The following SLC35F2 variants were observed in gnomAD, a reference collection of about 807,000 sequenced individuals.
SLC35F2 encodes solute carrier family 35 member F2, also known as queuine/queuosine transporter SLC35F2.
In SLC35F2, 25 loss-of-function variants were observed where a neutral mutation model predicts 38.1. That is an observed-to-expected ratio of 0.66 (90% CI 0.48 to 0.92). The LOEUF is 0.92. Among genes scored for constraint, SLC35F2 ranks in the 40% least tolerant of loss-of-function variants. The probability of loss-of-function intolerance (pLI) is 0.00; values close to 1 mark genes in which losing one functional copy is unlikely to be tolerated. For missense variants in SLC35F2, 409 were observed against 452.9 expected, an observed-to-expected ratio of 0.90 and a Z score of 0.88; for synonymous variants, 173 against 181.7, an observed-to-expected ratio of 0.95 and a Z score of 0.38.
At chr11:107,815,506 C>T (rs1412092509) in intron 2 of SLC35F2, among the ~76,000 whole-genome samples, 4 of 151,320 alleles carry the variant, frequency 2.6e-5, no homozygotes, top group Non-Finnish European at 4.4e-5. Context: ...TGCAGTGAGT[C>T]GAGATTGCAC....
chr11:107,795,761 A>G (rs896645822), intron 7 of SLC35F2, among the ~76,000 whole-genome samples: 1 of 152,240 alleles, frequency 6.6e-6, no homozygotes, highest in Non-Finnish European at 1.5e-5. Flanking sequence ...CAAAGCCACA[A>G]TAAGATATCA....
intron 7 of SLC35F2, among the ~76,000 whole-genome samples, chr11:107,798,507 G>C (rs1192095017): frequency 6.6e-6 from 1 of 152,184 alleles, no homozygotes; most frequent in African/African-American, 2.4e-5. Context: ...GACTAATAAA[G>C]AGATTAAGTC....
At position 107,842,257 on chromosome 11, in the gene SLC35F2, C is replaced by CAAAAAAAAAAAAAAA. The variant is rs541185009; in HGVS notation, c.110+16386_110+16400dup. ...GGCGACAGAGTGAGACTCCGTCTCA[C>CAAAAAAAAAAAAAAA]AAAAAAAAAAAAAAAAAAAAAAAAA... On this transcript the variant is annotated intron_variant, in intron 1 of 7. Transcript: ENST00000525815. Among the ~76,000 whole-genome samples the CAAAAAAAAAAAAAAA allele has an allele frequency of 9.8e-4, 37 of 37,904 alleles. 7 individuals carry two copies. The highest frequency in any genetic ancestry group is 3.8e-3 in the South Asian group (2 of 520). 24.9% of individuals were successfully genotyped at this position (37,904 alleles called of 152,430 possible).
At chr11:107,818,947 C>G (rs949063533) in intron 1 of SLC35F2, among the ~76,000 whole-genome samples, 19 of 152,100 alleles carry the variant, frequency 1.2e-4, no homozygotes, top group African/African-American at 4.6e-4. Context: ...TCAAAACCAC[C>G]CTGGGCAACA....
intron 1 of SLC35F2, among the ~76,000 whole-genome samples, chr11:107,856,183 C>T (rs189102625): frequency 2.6e-5 from 4 of 151,108 alleles, no homozygotes; most frequent in Admixed American, 6.6e-5. Flanking sequence ...GTTAAACATA[C>T]ATCTTGCCAT....
rs1398660474 is a variant in SLC35F2, at chr11:107,811,656, C to T, written c.414+11G>A. The T allele has an allele frequency of 1.9e-6, 3 of 1,600,170 alleles. No homozygotes were observed. Among genetic ancestry groups the T allele is most frequent in the Non-Finnish European group, 2.6e-6 (3 of 1,173,720 alleles). ...TATAAAATCCAAAGTGGTCAGAGGG[C>T]TCCCTCTTACCTGGACACTGGTTAG... On this transcript the variant is annotated intron_variant, in intron 3 of 7. Coordinates refer to ENST00000525815, the MANE Select transcript of SLC35F2 (RefSeq NM_017515.5).
chr11:107,798,680 A>G (rs1044283426), intron 7 of SLC35F2, among the ~76,000 whole-genome samples: 4 of 152,202 alleles, frequency 2.6e-5, no homozygotes, highest in Non-Finnish European at 4.4e-5. Flanking sequence ...AAAAATTCTG[A>G]GCCTCTTTTT....
At chr11:107,824,542 T>C (rs983314819) in intron 1 of SLC35F2, among the ~76,000 whole-genome samples, 10 of 152,176 alleles carry the variant, frequency 6.6e-5, no homozygotes, top group African/African-American at 2.2e-4. Flanking sequence ...GAGAGTGCAA[T>C]TTGGATGTGA....
At chr11:107,815,231 G>A (rs1859549465) in intron 2 of SLC35F2, among the ~76,000 whole-genome samples, 1 of 149,618 alleles carries the variant, frequency 6.7e-6, no homozygotes, top group Non-Finnish European at 1.5e-5. Context: ...TAAAATTGGG[G>A]GGGAAACCTA....
intron 1 of SLC35F2, among the ~76,000 whole-genome samples, chr11:107,817,786 C>T (rs1325155964): frequency 2.6e-5 from 4 of 152,034 alleles, no homozygotes; most frequent in Admixed American, 6.6e-5. Context: ...TTGCCAGGCA[C>T]GGTGGCTCAC....
chr11:107,829,379 A>G (rs888952020), intron 1 of SLC35F2, among the ~76,000 whole-genome samples: 2 of 151,542 alleles, frequency 1.3e-5, no homozygotes, highest in African/African-American at 4.9e-5. Flanking sequence ...AGATCGTGCC[A>G]CCGCACTACA....
chr11:107,858,487 G>T, intron 1 of SLC35F2, 171 bp downstream of exon 1: 1 of 504,140 alleles, frequency 2.0e-6, no homozygotes. Flanking sequence ...GACGCCAGGT[G>T]AAGCGCACCA....
At chr11:107,832,648 A>C (rs537855866) in intron 1 of SLC35F2, among the ~76,000 whole-genome samples, 1 of 152,212 alleles carries the variant, frequency 6.6e-6, no homozygotes, top group South Asian at 2.1e-4. Context: ...ACAGAAAAAA[A>C]TGCAAAAATT....
At chr11:107,848,769 C>T (rs1439189696) in intron 1 of SLC35F2, among the ~76,000 whole-genome samples, 1 of 152,104 alleles carries the variant, frequency 6.6e-6, no homozygotes, top group Admixed American at 6.5e-5. Context: ...CTGGTGGGTG[C>T]CAGAGGCCAG....
intron 3 of SLC35F2, 22 bp from the exon 4 acceptor site, chr11:107,806,898 A>G (rs887219661): frequency 6.2e-7 from 1 of 1,605,886 alleles, no homozygotes; most frequent in African/African-American, 1.3e-5. Context: ...GAGAATCAAC[A>G]GTTTAAAACA....
At chr11:107,816,028 A>T in intron 1 of SLC35F2, 63 bp from the exon 2 acceptor site, 1 of 1,421,770 alleles carries the variant, frequency 7.0e-7, no homozygotes, top group East Asian at 2.6e-5. Flanking sequence ...ACACACACAC[A>T]CACACACACA....
intron 6 of SLC35F2, chr11:107,803,664 C>G (rs752159530): frequency 8.8e-6 from 2 of 228,070 alleles, no homozygotes; most frequent in Non-Finnish European, 1.4e-5. Flanking sequence ...TTAAGTGCTC[C>G]GAGGCAGCAC....
At chr11:107,852,587 T>C (rs1220363704) in intron 1 of SLC35F2, among the ~76,000 whole-genome samples, 1 of 150,354 alleles carries the variant, frequency 6.7e-6, no homozygotes, top group Non-Finnish European at 1.5e-5. Context: ...AAAATTAAAC[T>C]GGCTGGGCGC....
At chr11:107,818,120 G>GA (rs1782720761) in intron 1 of SLC35F2, among the ~76,000 whole-genome samples, 1 of 143,442 alleles carries the variant, frequency 7.0e-6, no homozygotes, top group South Asian at 2.3e-4. Flanking sequence ...AAGAAAGAAA[G>GA]AAAGAAAGAA....
Sources: gnomAD v4.1 joint callset for allele counts (sites outside exome capture counted in the v4.1 genomes callset) on GRCh38, gnomAD v4.1.1 for gene constraint, MANE v1.5 for transcripts, NCBI Gene and HGNC (gene_info 2026-07-23, HGNC 2026-07-21) for gene names.